Variants in ATXN2L observed in about 807,000 individuals in gnomAD.
ATXN2L encodes the protein ataxin-2-like protein.
ATXN2L carries 24 observed loss-of-function variants against 120.7 expected under a neutral mutation model. That is an observed-to-expected ratio of 0.20 (90% CI 0.14 to 0.28). The LOEUF is 0.28. Among genes scored for constraint, ATXN2L ranks in the 10% least tolerant of loss-of-function variants. ATXN2L has a pLI of 1.00. For synonymous variants in ATXN2L, 653 were observed against 568.1 expected, an observed-to-expected ratio of 1.15 and a Z score of -2.13; for missense variants, 1,312 against 1,432.3, an observed-to-expected ratio of 0.92 and a Z score of 1.36.
At position 28,825,857 on chromosome 16, in the gene ATXN2L, TTTAA is replaced by T; in HGVS notation, c.465+20_465+23del. On this transcript the variant is annotated intron_variant, in intron 4 of 21. Coordinates refer to ENST00000336783, the MANE Select transcript of ATXN2L (RefSeq NM_007245.4). ...AAGCTCAAAGGTCAGTGTACTCAAA[TTTAA>T]TTATTTTTGGAGTTGCAGAGTAGGA... 1 of 1,605,690 alleles carries T rather than the reference TTTAA, an allele frequency of 6.2e-7. No homozygotes were observed. Among genetic ancestry groups the T allele is most frequent in the Non-Finnish European group, 8.5e-7 (1 of 1,172,438 alleles).
rs775216727 is a variant in ATXN2L, at chr16:28,832,569, T to A, written c.1588+2T>A. 2.6e-5 allele frequency: 42 copies of A among 1,613,436 alleles called. No individual in the cohort carries two copies. The Admixed American group carries it at 6.8e-4, about 26-fold the overall frequency. ...AGCTGGCTCGGATAGCTGGGAAAGGTGAGGGTGGTTTTTTTTCTGCTGAGG... is the reference window on the plus strand; with the variant it reads ...AGCTGGCTCGGATAGCTGGGAAAGGAGAGGGTGGTTTTTTTTCTGCTGAGG... On this transcript the variant is annotated splice_donor_variant, in intron 12 of 21. Transcript: ENST00000336783. LOFTEE classifies it high-confidence loss of function.
At position 28,832,826 on chromosome 16, in the gene ATXN2L, T is replaced by C; in HGVS notation, c.1598T>C (p.Leu533Pro). The change falls in exon 13 of 22, where the codon CTT (leucine) becomes CCT (proline). Residue 533 changes from leucine (L) to proline (P), a missense_variant. Transcript: ENST00000336783. The stretch of plus-strand genomic sequence containing the variant: ...GACTGTTTTCTCATAGTCCCTGGTC[T>C]TCAGAATGAACAGAAACGATTCCAA... The part of the protein sequence containing the change: ...LARIAGKVPG[L>P]QNEQKRFQLE... 6.2e-7 allele frequency: 1 copy of C among 1,614,166 alleles called. No homozygotes were observed.
intron 2 of ATXN2L, 58 bp from the exon 3 acceptor site, chr16:28,825,566 A>G (rs1253142540): frequency 6.3e-7 from 1 of 1,585,060 alleles, no homozygotes; most frequent in Non-Finnish European, 8.7e-7. Context: ...CATTTAGAAA[A>G]GAAAATGAGG....
chr16:28,829,397 C>G lies in ATXN2L; in HGVS notation c.742-4C>G. On this transcript the variant is annotated splice_polypyrimidine_tract_variant and splice_region_variant and intron_variant, in intron 6 of 21. Coordinates refer to ENST00000336783, the MANE Select transcript of ATXN2L (RefSeq NM_007245.4). Reference sequence around the variant, plus strand: ...GTTTTAAAACCACCTTCCTCCCTCCCCAGTCCAATGGATGGGACCCCAATG... The same window carrying G: ...GTTTTAAAACCACCTTCCTCCCTCCGCAGTCCAATGGATGGGACCCCAATG... 2 of 1,606,702 alleles carry G rather than the reference C, an allele frequency of 1.2e-6. No individual in the cohort carries two copies. Among genetic ancestry groups the G allele is most frequent in the Non-Finnish European group, 1.7e-6 (2 of 1,173,224 alleles).
rs375789363 is a variant in ATXN2L at position 28,825,810 on chromosome 16, A to G, written c.434A>G (p.Tyr145Cys). Reference protein sequence around the residue: ...CDVKVKNGTTYEGIFKTLSSK... With the variant: ...CDVKVKNGTTCEGIFKTLSSK... ...GTAAAGGTGAAAAATGGTACCACTT[A>G]TGAGGGTATCTTCAAGACGCTAAGC... The change falls in exon 4 of 22, where the codon TAT (tyrosine) becomes TGT (cysteine). Residue 145 changes from tyrosine to cysteine, a missense_variant. Coordinates refer to ENST00000336783, the MANE Select transcript of ATXN2L (RefSeq NM_007245.4). 4 of 1,613,928 alleles carry G rather than the reference A, an allele frequency of 2.5e-6. No homozygotes were observed. Among genetic ancestry groups the G allele is most frequent in the Non-Finnish European group, 3.4e-6 (4 of 1,179,952 alleles).
chr16:28,824,073 G>A, intron 1 of ATXN2L: 1 of 1,004,244 alleles, frequency 1.0e-6, no homozygotes, highest in Non-Finnish European at 1.2e-6. Flanking sequence ...GGGGAGCGAG[G>A]TGGGCGGGGG....
At position 28,836,290 on chromosome 16, in the gene ATXN2L, C is replaced by G. The variant is rs1960710793; in HGVS notation, c.*25C>G. 2.4e-5 allele frequency: 39 copies of G among 1,609,376 alleles called. No individual in the cohort carries two copies. The highest frequency in any genetic ancestry group is 3.3e-5 in the Non-Finnish European group (39 of 1,177,614). On this transcript the variant is annotated 3_prime_UTR_variant, in exon 22 of 22. Transcript: ENST00000336783. Reference sequence around the variant, plus strand: ...AGGGGTCTTGGAGGCAGGGCTGTCCCACAGGGCGCCCGCCGACCTGCACCT... The same window carrying G: ...AGGGGTCTTGGAGGCAGGGCTGTCCGACAGGGCGCCCGCCGACCTGCACCT...
At chr16:28,826,674 C>T (rs1056859826) in intron 5 of ATXN2L, 188 bp from the exon 6 acceptor site, 3 of 698,020 alleles carry the variant, frequency 4.3e-6, no homozygotes, top group Non-Finnish European at 6.7e-6. Flanking sequence ...AATCATAGTA[C>T]TGATAGACTT....
chr16:28,831,121 G>A, intron 10 of ATXN2L, 49 bp downstream of exon 10: 1 of 1,286,132 alleles, frequency 7.8e-7, no homozygotes, highest in East Asian at 2.4e-5. Flanking sequence ...AATTTGTAAA[G>A]AGATGTAAAT....
chr16:28,829,029 C>G (rs1410708027), intron 6 of ATXN2L, among the ~76,000 whole-genome samples: 1 of 152,216 alleles, frequency 6.6e-6, no homozygotes, highest in Non-Finnish European at 1.5e-5. Context: ...CCACGCCCAG[C>G]TAGTCGCCCA....
chr16:28,824,742 T>G (rs941481720), intron 1 of ATXN2L: 45 of 345,050 alleles, frequency 1.3e-4, no homozygotes, highest in Middle Eastern at 9.4e-4. Context: ...TTTTGGTTAA[T>G]ACTGTAGCAT....
intron 5 of ATXN2L, 166 bp from the exon 6 acceptor site, chr16:28,826,696 C>T (rs904103698): frequency 1.3e-6 from 1 of 786,326 alleles, no homozygotes; most frequent in African/African-American, 1.8e-5. Flanking sequence ...TTATACTCTT[C>T]TTCTCTTGCC....
rs1960918636 is a variant in ATXN2L, at chr16:28,836,542, C to A, written c.*277C>A. On this transcript the variant is annotated 3_prime_UTR_variant, in exon 22 of 22. Coordinates refer to ENST00000336783, the MANE Select transcript of ATXN2L (RefSeq NM_007245.4). ...GGGGTGTGGGGGGCTGAGCTGGGCA[C>A]ATGAGTGAGGGCTCTGGCTTACTGG... 1.9e-6 allele frequency: 3 copies of A among 1,582,932 alleles called. No homozygotes were observed. The highest frequency in any genetic ancestry group is 2.6e-6 in the Non-Finnish European group (3 of 1,166,692).
chr16:28,835,413 G>C lies in ATXN2L; in HGVS notation c.2685+14G>C, dbSNP rs1455604177. On this transcript the variant is annotated intron_variant, in intron 20 of 21. Coordinates refer to ENST00000336783, the MANE Select transcript of ATXN2L (RefSeq NM_007245.4). ...AGTCCTGTCCAGGTGCCTGCCATGGGGGGTGCTGAGTGGTCCTGGTGCAGG... is the reference window on the plus strand; with the variant it reads ...AGTCCTGTCCAGGTGCCTGCCATGGCGGGTGCTGAGTGGTCCTGGTGCAGG... 1 of 1,612,398 alleles carries C rather than the reference G, an allele frequency of 6.2e-7. No homozygotes were observed. Among genetic ancestry groups the C allele is most frequent in the Non-Finnish European group, 8.5e-7 (1 of 1,179,842 alleles).
At chr16:28,823,627 C>G in intron 1 of ATXN2L, 69 bp downstream of exon 1, 6 of 1,249,088 alleles carry the variant, frequency 4.8e-6, no homozygotes, top group Non-Finnish European at 5.0e-6. Context: ...TCCGGTGGGG[C>G]GGACCCCGAC....
chr16:28,831,306 A>G (rs1020655975), intron 10 of ATXN2L, among the ~76,000 whole-genome samples: 1 of 152,064 alleles, frequency 6.6e-6, no homozygotes, highest in Non-Finnish European at 1.5e-5. Context: ...GATTTGAATC[A>G]GTTGCTAAGT....
intron 4 of ATXN2L, 167 bp from the exon 5 acceptor site, chr16:28,826,073 G>A: frequency 1.1e-6 from 1 of 888,654 alleles, no homozygotes; most frequent in South Asian, 1.7e-5. Context: ...TGTGGCTGAT[G>A]TTGAGAAAAC....
chr16:28,836,760 C>T lies in ATXN2L; in HGVS notation c.*495C>T, dbSNP rs1961096974. ...TCATCCCTCCCAGCAGCTCCCCTTC[C>T]ACCCCCCGGGGAACTGAAGATTGTC... On this transcript the variant is annotated 3_prime_UTR_variant, in exon 22 of 22. Transcript: ENST00000336783. The T allele has an allele frequency of 1.2e-6, 2 of 1,613,932 alleles. No individual in the cohort carries two copies. The highest frequency in any genetic ancestry group is 2.7e-5 in the African/African-American group (2 of 74,862).
chr16:28,835,265 T>C lies in ATXN2L; in HGVS notation c.2564-13T>C. ...GTGTGCTCAGCACTGGTTCTCCCTCTTTCCTGCTGCAGCCACTGTTCACCA... is the reference window on the plus strand; with the variant it reads ...GTGTGCTCAGCACTGGTTCTCCCTCCTTCCTGCTGCAGCCACTGTTCACCA... On this transcript the variant is annotated splice_polypyrimidine_tract_variant and intron_variant, in intron 19 of 21. Transcript: ENST00000336783. 6.2e-7 allele frequency: 1 copy of C among 1,613,912 alleles called. No individual in the cohort carries two copies. Among genetic ancestry groups the C allele is most frequent in the Non-Finnish European group, 8.5e-7 (1 of 1,179,936 alleles).
Sources: allele counts gnomAD v4.1 joint callset (sites outside exome capture counted in the v4.1 genomes callset), GRCh38; gene constraint gnomAD v4.1.1; transcripts MANE v1.5; gene names NCBI Gene and HGNC (gene_info 2026-07-23, HGNC 2026-07-21).